The following BCAT2 variants were observed in gnomAD, a reference collection of about 807,000 sequenced individuals.
BCAT2 encodes the protein branched-chain-amino-acid aminotransferase, mitochondrial.
In BCAT2, 44 loss-of-function variants were observed where a neutral mutation model predicts 52.9. The observed-to-expected ratio is 0.83, with a 90% CI of 0.65 to 1.07. The LOEUF (loss-of-function observed/expected upper bound fraction) is 1.07, where lower values mean the gene tolerates loss of function less well. Ranked by LOEUF, BCAT2 falls within the 50% of genes least tolerant of loss-of-function variation. BCAT2 has a pLI of 0.00. For synonymous variants in BCAT2, 215 were observed against 217.1 expected (o/e 0.99, Z 0.08); for missense variants, 478 against 521.8 (o/e 0.92, Z 0.82).
rs1234561080 is a variant in BCAT2 at position 48,807,313 on chromosome 19, CA to C, written c.25-240del. On this transcript the variant is annotated intron_variant, in intron 1 of 10. Transcript: ENST00000316273. This position sits in a 1 kb window ranked among gnomAD's most constrained non-coding sequence, Gnocchi z 4.6. Reference sequence around the variant, plus strand: ...CCCCTCCTCCATGCTGCGGCAAAGTCAAACGCAAGCGCCTCCCACCCCAGAG... The same window carrying C: ...CCCCTCCTCCATGCTGCGGCAAAGTCAACGCAAGCGCCTCCCACCCCAGAG... 2.2e-6 allele frequency: 1 copy of C among 446,680 alleles called. No homozygotes were observed. The highest frequency in any genetic ancestry group is 4.0e-6 in the Non-Finnish European group (1 of 248,406). 27.7% of individuals were successfully genotyped at this position (446,680 alleles called of 1,614,324 possible). A position where few individuals can be genotyped will look rare whatever the true frequency, so the allele number is the denominator to read the frequency against.
At chr19:48,808,368 G>T in intron 1 of BCAT2, 3 of 544,818 alleles carry the variant, frequency 5.5e-6, no homozygotes, top group South Asian at 8.0e-5. Flanking sequence ...GGAAGGATGA[G>T]AAAAAGAAAC....
intron 10 of BCAT2, 30 bp from the exon 11 acceptor site, chr19:48,795,494 T>C (rs760758017): frequency 3.7e-6 from 6 of 1,612,678 alleles, no homozygotes; most frequent in South Asian, 3.3e-5. Flanking sequence ...GTGCGTGAGG[T>C]GGAAGCTGCA....
rs913296741 is a variant in BCAT2, at chr19:48,796,475, C to G, written c.1093G>C (p.Gly365Arg). ...TGGAAGCGGAGGATCAGCTCAGGCC[C>G]ATTTTCCATGGTGGGAATGTGGAGG... ...RNLHIPTMEN[G>R]PELILRFQKE... The change falls in exon 10 of 11, where the codon GGG (glycine) becomes CGG (arginine). Residue 365 changes from glycine to arginine, a missense_variant. By Grantham distance (125) the Gly-to-Arg change is moderately radical. Coordinates refer to ENST00000316273, the MANE Select transcript of BCAT2 (RefSeq NM_001190.4). The G allele has an allele frequency of 3.1e-6, 5 of 1,613,846 alleles. No homozygotes were observed. In the African/African-American group the frequency reaches 6.7e-5, roughly 22 times the overall value.
chr19:48,803,278 G>A (rs1408481969), intron 3 of BCAT2, among the ~76,000 whole-genome samples: 2 of 152,134 alleles, frequency 1.3e-5, no homozygotes, highest in Non-Finnish European at 2.9e-5. Context: ...CAGGACTTTG[G>A]GAGGCTGAGG....
At chr19:48,800,346 A>G (rs2034632661) in intron 3 of BCAT2, 49 bp from the exon 4 acceptor site, 2 of 1,523,430 alleles carry the variant, frequency 1.3e-6, no homozygotes, top group Admixed American at 1.7e-5. Flanking sequence ...CCAGACAGTC[A>G]TGAGAGACAC....
At chr19:48,810,918 T>A (rs1271235347) in intron 1 of BCAT2, 66 bp downstream of exon 1, 9 of 1,578,950 alleles carry the variant, frequency 5.7e-6, no homozygotes, top group African/African-American at 1.4e-5. Flanking sequence ...TGCAGGCCAG[T>A]GGTCTTCCCG....
chr19:48,808,704 G>A (rs1005340136), intron 1 of BCAT2, among the ~76,000 whole-genome samples: 26 of 152,144 alleles, frequency 1.7e-4, no homozygotes, highest in Middle Eastern at 3.4e-3. Flanking sequence ...GCAGTGAGCC[G>A]AGATGGTGCC....
At chr19:48,809,066 CAAAAAAAAAAAAAA>C (rs3057799) in intron 1 of BCAT2, among the ~76,000 whole-genome samples, 5 of 28,966 alleles carry the variant, frequency 1.7e-4, no homozygotes, top group Admixed American at 6.9e-4. Context: ...GAGTGTCTCT[CAAAAAAAAAAAAAA>C]AAAAAAAAAA....
At chr19:48,805,442 C>T (rs2034745934) in intron 3 of BCAT2, among the ~76,000 whole-genome samples, 1 of 152,112 alleles carries the variant, frequency 6.6e-6, no homozygotes, top group Non-Finnish European at 1.5e-5. Context: ...CTCAGTGGCT[C>T]CCAGCACCCT....
At chr19:48,805,439 G>A (rs989074382) in intron 3 of BCAT2, among the ~76,000 whole-genome samples, 4 of 152,064 alleles carry the variant, frequency 2.6e-5, no homozygotes, top group Non-Finnish European at 2.9e-5. Context: ...GCCCTCAGTG[G>A]CTCCCAGCAC....
intron 3 of BCAT2, among the ~76,000 whole-genome samples, chr19:48,805,511 C>A (rs558113325): frequency 4.7e-4 from 71 of 152,140 alleles, no homozygotes; most frequent in Non-Finnish European, 1.0e-3. Flanking sequence ...GCCTCCTTAA[C>A]CATGCTCCAA....
At position 48,807,620 on chromosome 19, in the gene BCAT2, C is replaced by A; in HGVS notation, c.25-546G>T. ...GGAGTCCAGGCCTCAGACCCTCCTCCCTTACATCCAGGAGTACAGGCCCCA... is the reference window on the plus strand; with the variant it reads ...GGAGTCCAGGCCTCAGACCCTCCTCACTTACATCCAGGAGTACAGGCCCCA... On this transcript the variant is annotated intron_variant, in intron 1 of 10. Coordinates refer to ENST00000316273, the MANE Select transcript of BCAT2 (RefSeq NM_001190.4). This position sits in a 1 kb window ranked among gnomAD's most constrained non-coding sequence, Gnocchi z 4.6. 1 of 768,112 alleles carries A rather than the reference C, an allele frequency of 1.3e-6. No individual in the cohort carries two copies. The highest frequency in any genetic ancestry group is 1.6e-6 in the Non-Finnish European group (1 of 630,038). 47.6% of individuals were successfully genotyped at this position (768,112 alleles called of 1,614,324 possible).
chr19:48,808,634 A>G (rs563598025), intron 1 of BCAT2, among the ~76,000 whole-genome samples: 1 of 151,916 alleles, frequency 6.6e-6, no homozygotes, highest in Non-Finnish European at 1.5e-5. Flanking sequence ...GGGCGCCTGT[A>G]GTCCCAGCAA....
At chr19:48,810,758 C>A in intron 1 of BCAT2, 3 of 1,201,484 alleles carry the variant, frequency 2.5e-6, no homozygotes, top group Non-Finnish European at 3.2e-6. Flanking sequence ...TTTTTTACCT[C>A]CCCGCCAATT....
chr19:48,800,048 T>C lies in BCAT2; in HGVS notation c.464A>G (p.Asp155Gly), dbSNP rs983831500. Residue 155 changes from aspartate (D) to glycine (G), a missense_variant, in exon 5 of 11, where the codon GAC becomes GGC. Transcript: ENST00000316273. ...GGCGGCATCGGGGACCCAGTCCTTG[T>C]CCACTTCGATGAGCCGGCGGATGCA... ...LECIRRLIEV[D>G]KDWVPDAAGT... 2 of 1,614,002 alleles carry C rather than the reference T, an allele frequency of 1.2e-6. No homozygotes were observed. Among genetic ancestry groups the C allele is most frequent in the Non-Finnish European group, 1.7e-6 (2 of 1,179,954 alleles).
At position 48,795,390 on chromosome 19, in the gene BCAT2, C is replaced by T; in HGVS notation, c.*36G>A. 1 of 1,613,706 alleles carries T rather than the reference C, an allele frequency of 6.2e-7. No homozygotes were observed. The highest frequency in any genetic ancestry group is 8.5e-7 in the Non-Finnish European group (1 of 1,179,902). On this transcript the variant is annotated 3_prime_UTR_variant, in exon 11 of 11. Transcript: ENST00000316273. Reference sequence around the variant, plus strand: ...AGGCGAGTGCTGGCGTGACGAGATGCTACGGGTCGGTGGATCTGGAGCACA... The same window carrying T: ...AGGCGAGTGCTGGCGTGACGAGATGTTACGGGTCGGTGGATCTGGAGCACA...
intron 3 of BCAT2, among the ~76,000 whole-genome samples, chr19:48,801,237 CT>C (rs71335820): frequency 0.075 from 10,761 of 144,174 alleles, 428 homozygotes; most frequent in East Asian, 0.11. Context: ...CCCAGCCAGA[CT>C]TTTTTTTTTT....
intron 3 of BCAT2, among the ~76,000 whole-genome samples, chr19:48,802,639 GGT>G (rs931421207): frequency 1.3e-4 from 19 of 151,846 alleles, no homozygotes; most frequent in African/African-American, 4.1e-4. Context: ...GTAGAGATGG[GGT>G]TTCACCATGT....
At position 48,795,393 on chromosome 19, in the gene BCAT2, C is replaced by A. The variant is rs779757611; in HGVS notation, c.*33G>T. 3.7e-6 allele frequency: 6 copies of A among 1,613,572 alleles called. No homozygotes were observed. In the East Asian group the frequency reaches 1.3e-4, roughly 36 times the overall value. Reference sequence around the variant, plus strand: ...CGAGTGCTGGCGTGACGAGATGCTACGGGTCGGTGGATCTGGAGCACAGCC... The same window carrying A: ...CGAGTGCTGGCGTGACGAGATGCTAAGGGTCGGTGGATCTGGAGCACAGCC... On this transcript the variant is annotated 3_prime_UTR_variant, in exon 11 of 11. Coordinates refer to ENST00000316273, the MANE Select transcript of BCAT2 (RefSeq NM_001190.4).
Sources: allele counts gnomAD v4.1 joint callset (sites outside exome capture counted in the v4.1 genomes callset), GRCh38; gene constraint gnomAD v4.1.1; non-coding constraint Gnocchi (gnomAD v3.1); transcripts MANE v1.5; gene names NCBI Gene and HGNC (gene_info 2026-07-23, HGNC 2026-07-21).